ANGPTL5: variants seen among roughly 807,000 people sequenced by gnomAD.
ANGPTL5 encodes angiopoietin like 5.
ANGPTL5 carries 34 observed loss-of-function variants against 39.4 expected under a neutral mutation model. The ratio of observed to expected loss-of-function variants is 0.86; its 90% CI spans 0.66 to 1.15. The LOEUF (loss-of-function observed/expected upper bound fraction) is 1.15, where lower values mean the gene tolerates loss of function less well. Among genes scored for constraint, ANGPTL5 ranks in the 50% most tolerant of loss-of-function variants. The pLI is 0.00. For missense variants in ANGPTL5, 467 were observed against 457.5 expected (o/e 1.02, Z -0.19); for synonymous variants, 146 against 152.1 (o/e 0.96, Z 0.29).
intron 7 of ANGPTL5, among the ~76,000 whole-genome samples, chr11:101,895,999 G>A (rs1447704433): frequency 6.6e-6 from 1 of 151,922 alleles, no homozygotes; most frequent in Non-Finnish European, 1.5e-5. Context: ...ACTTACAATC[G>A]AAAAGTAAGG....
rs141964557 is a variant in ANGPTL5 at position 101,909,213 on chromosome 11, C to T, written c.-92-1212G>A. 4.4e-3 allele frequency among the ~76,000 whole-genome samples: 666 copies of T among 152,276 alleles called. 5 individuals are homozygous for T. The highest frequency in any genetic ancestry group is 0.015 in the African/African-American group (641 of 41,560). On this transcript the variant is annotated intron_variant, in intron 1 of 8. Coordinates refer to ENST00000334289, the MANE Select transcript of ANGPTL5 (RefSeq NM_178127.5). ...CTGTTCTCTGACTTTCCTTCCTCAC[C>T]ACCTACTATTTAAACCCAAACAATC...
At chr11:101,900,400 A>C in intron 7 of ANGPTL5, 30 bp downstream of exon 7, 1 of 1,603,738 alleles carries the variant, frequency 6.2e-7, no homozygotes. Context: ...AAGAGTAAAC[A>C]ATGTAGAGTA....
At chr11:101,910,706 C>T (rs1446108903) in intron 1 of ANGPTL5, among the ~76,000 whole-genome samples, 2 of 151,970 alleles carry the variant, frequency 1.3e-5, no homozygotes, top group African/African-American at 2.4e-5. Flanking sequence ...GACTTTTTTT[C>T]TCTCGCTTAC....
chr11:101,915,591 A>G (rs1398620295), intron 1 of ANGPTL5, among the ~76,000 whole-genome samples: 3 of 152,136 alleles, frequency 2.0e-5, no homozygotes, highest in Non-Finnish European at 1.5e-5. Context: ...ATACCATTTT[A>G]TCTAATTCTG....
chr11:101,913,445 C>T (rs1270722766), intron 1 of ANGPTL5, among the ~76,000 whole-genome samples: 1 of 152,196 alleles, frequency 6.6e-6, no homozygotes, highest in African/African-American at 2.4e-5. Context: ...CAACATCCCT[C>T]CTTCAAAGTA....
rs368170258 is a variant in ANGPTL5, at chr11:101,901,932, T to C, written c.540+689A>G. Among the ~76,000 whole-genome samples, 7 of 151,876 alleles carry C rather than the reference T, an allele frequency of 4.6e-5. No individual in the cohort carries two copies. In the East Asian group the frequency reaches 9.7e-4, roughly 21 times the overall value. ...AGTGCCCAGGAAAATATATATATAA[T>C]ATATATAACTGTATGTGTGTGTGCG... is the stretch of plus-strand genomic sequence containing the variant. On this transcript the variant is annotated intron_variant, in intron 6 of 8. Coordinates refer to ENST00000334289, the MANE Select transcript of ANGPTL5 (RefSeq NM_178127.5).
At chr11:101,892,226 ATTTTGTTTTG>A (rs914060377) in intron 8 of ANGPTL5, among the ~76,000 whole-genome samples, 4 of 151,802 alleles carry the variant, frequency 2.6e-5, no homozygotes, top group Non-Finnish European at 1.5e-5. Flanking sequence ...ACATTGTTTT[ATTTTGTTTTG>A]TTTTGTTTTT....
In ANGPTL5 at chr11:101,905,771, T is replaced by G; in HGVS notation, c.318A>C (p.Gln106His). 6.2e-7 allele frequency: 1 copy of G among 1,610,556 alleles called. No homozygotes were observed. Among genetic ancestry groups the G allele is most frequent in the Non-Finnish European group, 8.5e-7 (1 of 1,177,416 alleles). The change falls in exon 4 of 9, where the codon CAA (glutamine) becomes CAC (histidine). Residue 106 changes from glutamine to histidine, a missense_variant. Physicochemically the swap from Gln to His is conservative, Grantham distance 24. Transcript: ENST00000334289. ...KLLRNMMDEQQASLDYLSNQV... is the reference protein window; with the variant it reads ...KLLRNMMDEQHASLDYLSNQV... ...GATTAGATAAATAATCCAAGGAAGC[T>G]TGTTGCTCATCCATCATATTCCTTA...
At chr11:101,904,747 AC>A (rs1256109191) in intron 5 of ANGPTL5, 66 bp downstream of exon 5, 53 of 1,374,006 alleles carry the variant, frequency 3.9e-5, no homozygotes, top group Non-Finnish European at 4.9e-5. Flanking sequence ...AAATGGATCG[AC>A]CTGTCCAGGA....
chr11:101,909,855 C>T (rs1358496569), intron 1 of ANGPTL5, among the ~76,000 whole-genome samples: 2 of 152,204 alleles, frequency 1.3e-5, no homozygotes, highest in Non-Finnish European at 2.9e-5. Flanking sequence ...TGCAGCCTGA[C>T]TTAGGAGTAT....
chr11:101,906,364 T>A, intron 3 of ANGPTL5, among the ~76,000 whole-genome samples: 1 of 152,172 alleles, frequency 6.6e-6, no homozygotes. Flanking sequence ...GGTTATTTGG[T>A]TTCTGACTAA....
At chr11:101,912,653 A>G (rs560538457) in intron 1 of ANGPTL5, among the ~76,000 whole-genome samples, 1 of 152,232 alleles carries the variant, frequency 6.6e-6, no homozygotes, top group Non-Finnish European at 1.5e-5. Flanking sequence ...GTAAAACAAT[A>G]TTTGAATGAA....
In ANGPTL5 at chr11:101,893,490, T is replaced by G. The variant is rs1243815378; in HGVS notation, c.847+1389A>C. Among the ~76,000 whole-genome samples, 6 of 152,200 alleles carry G rather than the reference T, an allele frequency of 3.9e-5. No homozygotes were observed. In the East Asian group the frequency reaches 1.2e-3, roughly 29 times the overall value. On this transcript the variant is annotated intron_variant, in intron 8 of 8. Transcript: ENST00000334289. Reference sequence around the variant, plus strand: ...TTATTCTTTTGATTACATTATGTGATCAACAGTTGAAAGTTACTTCATAAC... The same window carrying G: ...TTATTCTTTTGATTACATTATGTGAGCAACAGTTGAAAGTTACTTCATAAC...
rs1399630616 is a variant in ANGPTL5, at chr11:101,894,760, C to G, written c.847+119G>C. 9.0e-5 allele frequency: 90 copies of G among 997,932 alleles called. No individual in the cohort carries two copies. The East Asian group carries it at 2.0e-3, about 23-fold the overall frequency. 61.8% of individuals were successfully genotyped at this position (997,932 alleles called of 1,614,324 possible). On this transcript the variant is annotated intron_variant, in intron 8 of 8. Transcript: ENST00000334289. ...CTTGGCCAGCTTTCTTATTCCTAAT[C>G]TATCCTGTTATCAGTTATGTGTTAT...
intron 1 of ANGPTL5, among the ~76,000 whole-genome samples, chr11:101,912,206 GC>G (rs1429179071): frequency 4.6e-5 from 7 of 152,202 alleles, no homozygotes; most frequent in Non-Finnish European, 8.8e-5. Flanking sequence ...TATTTCCTTA[GC>G]AAAAGAAGGA....
At position 101,894,425 on chromosome 11, in the gene ANGPTL5, G is replaced by C. The variant is rs142994040; in HGVS notation, c.847+454C>G. ...AGTATAATGAAAAAACACTAAACTT[G>C]TTGTTCTGTCAGCCTGGATTCTTGC... On this transcript the variant is annotated intron_variant, in intron 8 of 8. Transcript: ENST00000334289. 1.7e-3 allele frequency among the ~76,000 whole-genome samples: 258 copies of C among 152,280 alleles called. 2 individuals are homozygous for C. In the Middle Eastern group the frequency reaches 0.017, roughly 10 times the overall value.
chr11:101,891,592 G>A lies in ANGPTL5; in HGVS notation c.854C>T (p.Ala285Val). Residue 285 changes from alanine (A) to valine (V), a missense_variant, in exon 9 of 9, where the codon GCA becomes GTA. Transcript: ENST00000334289. ...ATCTTCTTTTTTGAGACCCCGGAAT[G>A]CATCACCTGGGAAAAAAATTTTTAA... ...LGRYSGNAGD[A>V]FRGLKKEDNQ... 6.2e-7 allele frequency: 1 copy of A among 1,613,678 alleles called. No individual in the cohort carries two copies. The highest frequency in any genetic ancestry group is 8.5e-7 in the Non-Finnish European group (1 of 1,179,866).
At chr11:101,905,679 T>C in intron 4 of ANGPTL5, 65 bp downstream of exon 4, 1 of 1,123,624 alleles carries the variant, frequency 8.9e-7, no homozygotes, top group South Asian at 1.3e-5. Flanking sequence ...AAAAAGATTA[T>C]ACCTCCAGCT....
intron 7 of ANGPTL5, 145 bp from the exon 8 acceptor site, chr11:101,895,209 A>C (rs1939771291): frequency 1.5e-6 from 1 of 665,640 alleles, no homozygotes; most frequent in African/African-American, 1.8e-5. Flanking sequence ...CCTAGCTCAA[A>C]TTATCAGTGC....
Sources: gnomAD v4.1 joint callset for allele counts (sites outside exome capture counted in the v4.1 genomes callset) on GRCh38, gnomAD v4.1.1 for gene constraint, MANE v1.5 for transcripts, NCBI Gene and HGNC (gene_info 2026-07-23, HGNC 2026-07-21) for gene names.